FNDC3A: variants seen among roughly 807,000 people sequenced by gnomAD.
The protein encoded by FNDC3A is fibronectin type-III domain-containing protein 3A.
Under a neutral mutation model 148.9 loss-of-function variants are expected in FNDC3A, and 32 were observed. The observed-to-expected ratio is 0.21, with a 90% CI of 0.16 to 0.29. The LOEUF (loss-of-function observed/expected upper bound fraction) is 0.29. Ranked by LOEUF, FNDC3A falls within the 10% of genes least tolerant of loss-of-function variation. FNDC3A has a pLI of 1.00. For synonymous variants in FNDC3A, 472 were observed against 473.6 expected (o/e 1.00, Z 0.04); for missense variants, 1,191 against 1,452.8 (o/e 0.82, Z 2.93).
At chr13:49,033,536 C>T (rs1874280787) in intron 2 of FNDC3A, among the ~76,000 whole-genome samples, 1 of 151,914 alleles carries the variant, frequency 6.6e-6, no homozygotes, top group Admixed American at 6.6e-5. Context: ...GTGAAAATTA[C>T]CTTAGTATTC....
chr13:49,162,414 G>T (rs946707768), intron 8 of FNDC3A, among the ~76,000 whole-genome samples: 4 of 152,160 alleles, frequency 2.6e-5, no homozygotes, highest in African/African-American at 9.7e-5. Flanking sequence ...ACTGAAGCTT[G>T]TGCATGTGTC....
At chr13:49,040,656 A>T (rs1283952570) in intron 2 of FNDC3A, among the ~76,000 whole-genome samples, 1 of 152,232 alleles carries the variant, frequency 6.6e-6, no homozygotes, top group Non-Finnish European at 1.5e-5. Flanking sequence ...TTTCTATGAA[A>T]TTTAAAGATA....
chr13:49,139,508 A>G (rs953025003), intron 7 of FNDC3A, among the ~76,000 whole-genome samples: 3 of 152,206 alleles, frequency 2.0e-5, no homozygotes, highest in African/African-American at 7.2e-5. Flanking sequence ...TATTATTCTT[A>G]GTACCATCTC....
chr13:49,023,364 A>T (rs1333656243), intron 2 of FNDC3A, among the ~76,000 whole-genome samples: 1 of 151,848 alleles, frequency 6.6e-6, no homozygotes, highest in Non-Finnish European at 1.5e-5. Flanking sequence ...AAAAGTGGAC[A>T]GTAAAATACT....
At chr13:49,170,373 A>G (rs1415970412) in intron 10 of FNDC3A, among the ~76,000 whole-genome samples, 1 of 152,180 alleles carries the variant, frequency 6.6e-6, no homozygotes, top group Non-Finnish European at 1.5e-5. Flanking sequence ...TGACTTGAAT[A>G]TCTGGTCTTT....
At chr13:49,063,981 C>T (rs528083422) in intron 2 of FNDC3A, among the ~76,000 whole-genome samples, 22 of 152,212 alleles carry the variant, frequency 1.4e-4, no homozygotes, top group African/African-American at 4.1e-4. Context: ...GGCATACAAA[C>T]GACTATTACA....
intron 3 of FNDC3A, chr13:49,095,318 G>T (rs1039225127): frequency 1.3e-5 from 2 of 151,884 alleles, no homozygotes; most frequent in African/African-American, 4.8e-5. Flanking sequence ...TGGAAGAAAA[G>T]AAATGTCTAA....
chr13:49,090,469 G>T (rs1420182612), intron 3 of FNDC3A, among the ~76,000 whole-genome samples: 4 of 152,064 alleles, frequency 2.6e-5, no homozygotes, highest in East Asian at 1.9e-4. Flanking sequence ...CAGATCGGGG[G>T]TCTGTGCTTT....
At chr13:49,022,151 C>T (rs1178481617) in intron 2 of FNDC3A, among the ~76,000 whole-genome samples, 1 of 152,130 alleles carries the variant, frequency 6.6e-6, no homozygotes, top group African/African-American at 2.4e-5. Context: ...ACATGTTAAG[C>T]TTTCATGCAT....
chr13:49,125,653 T>C (rs187313835), intron 4 of FNDC3A, among the ~76,000 whole-genome samples: 3 of 152,318 alleles, frequency 2.0e-5, no homozygotes, highest in Admixed American at 1.3e-4. Flanking sequence ...CATATATTTC[T>C]GATCATATCA....
chr13:49,084,122 TGAG>T (rs1878657584), intron 3 of FNDC3A, among the ~76,000 whole-genome samples: 1 of 152,178 alleles, frequency 6.6e-6, no homozygotes, highest in African/African-American at 2.4e-5. Context: ...AATAAATACT[TGAG>T]GAGAGAGAAA....
intron 8 of FNDC3A, among the ~76,000 whole-genome samples, chr13:49,164,653 G>A (rs1433007446): frequency 2.0e-5 from 3 of 151,456 alleles, no homozygotes; most frequent in Admixed American, 2.0e-4. Context: ...TTGTTGCCCA[G>A]GCTGGAGTGC....
At position 49,036,700 on chromosome 13, in the gene FNDC3A, G is replaced by C. The variant is rs138469035; in HGVS notation, c.99+30411G>C. 2.1e-3 allele frequency among the ~76,000 whole-genome samples: 313 copies of C among 152,250 alleles called. 3 individuals carry two copies. Among genetic ancestry groups the C allele is most frequent in the African/African-American group, 7.1e-3 (297 of 41,566 alleles). ...TGTAAACAACTAAATACAATTTAGT[G>C]CTAAGTGTCATAATAGAAGGATGTA... On this transcript the variant is annotated intron_variant, in intron 2 of 25. Coordinates refer to ENST00000492622, the MANE Select transcript of FNDC3A (RefSeq NM_001079673.2).
intron 2 of FNDC3A, among the ~76,000 whole-genome samples, chr13:49,049,706 CTTTTCTTTTCTT>C (rs1228009443): frequency 1.4e-3 from 42 of 29,832 alleles, no homozygotes; most frequent in Admixed American, 5.4e-3. Context: ...CTCTTCTCTT[CTTTTCTTTTCTT>C]TTTTCTTTTT....
intron 3 of FNDC3A, among the ~76,000 whole-genome samples, chr13:49,086,363 G>A (rs757155602): frequency 7.2e-5 from 11 of 152,152 alleles, no homozygotes; most frequent in Non-Finnish European, 1.0e-4. Flanking sequence ...GGCCGGTATT[G>A]TGCATATACT....
At chr13:49,114,955 A>G (rs549632759) in intron 4 of FNDC3A, among the ~76,000 whole-genome samples, 6 of 152,284 alleles carry the variant, frequency 3.9e-5, no homozygotes, top group South Asian at 4.1e-4. Context: ...GTTAAGTCAC[A>G]AAAGAAAATT....
intron 23 of FNDC3A, chr13:49,201,253 TATC>T (rs781427271): frequency 1.1e-5 from 2 of 175,400 alleles, no homozygotes; most frequent in African/African-American, 2.4e-5. Flanking sequence ...AATTTTATAT[TATC>T]ATACTGCTTT....
intron 3 of FNDC3A, among the ~76,000 whole-genome samples, chr13:49,079,914 A>T (rs1275946832): frequency 2.0e-5 from 3 of 152,112 alleles, no homozygotes; most frequent in Non-Finnish European, 2.9e-5. Context: ...TCCTGGGCTC[A>T]GGTGATCCTC....
intron 2 of FNDC3A, chr13:49,045,362 C>G (rs1040221578): frequency 2.5e-5 from 4 of 158,768 alleles, no homozygotes; most frequent in African/African-American, 9.7e-5. Flanking sequence ...CCATGTTGCC[C>G]AGGTTGGTCT....
Sources: allele counts gnomAD v4.1 joint callset (sites outside exome capture counted in the v4.1 genomes callset), GRCh38; gene constraint gnomAD v4.1.1; transcripts MANE v1.5; gene names NCBI Gene and HGNC (gene_info 2026-07-23, HGNC 2026-07-21).